Variants in RCAN2 observed in about 807,000 individuals in gnomAD.
RCAN2 encodes the protein calcipressin-2.
Under a neutral mutation model 23.6 loss-of-function variants are expected in RCAN2, and 9 were observed. The ratio of observed to expected loss-of-function variants is 0.38; its 90% confidence interval spans 0.23 to 0.67. The LOEUF (loss-of-function observed/expected upper bound fraction) is 0.67, where lower values mean the gene tolerates loss of function less well. Among genes scored for constraint, RCAN2 ranks in the 30% least tolerant of loss-of-function variants. The probability of loss-of-function intolerance (pLI) is 0.51; values close to 1 mark genes in which losing one functional copy is unlikely to be tolerated. For missense variants in RCAN2, 273 were observed against 302.3 expected (o/e 0.90, Z 0.72); for synonymous variants, 109 against 115.7 (o/e 0.94, Z 0.37).
intron 2 of RCAN2, among the ~76,000 whole-genome samples, chr6:46,323,047 C>T (rs1298726390): frequency 6.6e-6 from 1 of 152,126 alleles, no homozygotes; most frequent in Non-Finnish European, 1.5e-5. Flanking sequence ...AAATGGAAAG[C>T]CATGTTTTCT....
Position 46,223,145 on chromosome 6 carries a change from T to C in RCAN2, c.728A>G (p.Asn243Ser). 1 of 1,613,148 alleles carries C rather than the reference T, an allele frequency of 6.2e-7. No homozygotes were observed. Among genetic ancestry groups the C allele is most frequent in the Non-Finnish European group, 8.5e-7 (1 of 1,179,926 alleles). ...TATCGAGAAGGAGCAGGCAGCTCAGTTGGACACGGAGGGTGGCAGGCCAGG... is the reference window on the plus strand; with the variant it reads ...TATCGAGAAGGAGCAGGCAGCTCAGCTGGACACGGAGGGTGGCAGGCCAGG... ...RRPGLPPSVS[N>S] Residue 243 changes from asparagine (N) to serine (S), a missense_variant, in exon 5 of 5, where the codon AAC becomes AGC. Transcript: ENST00000371374.
intron 4 of RCAN2, among the ~76,000 whole-genome samples, chr6:46,226,723 A>T (rs762172642): frequency 6.6e-6 from 1 of 152,230 alleles, no homozygotes; most frequent in Non-Finnish European, 1.5e-5. Context: ...CAATCATGTC[A>T]TCTGGAAACA....
chr6:46,363,447 C>CA (rs1170902410), intron 2 of RCAN2, among the ~76,000 whole-genome samples: 5 of 150,782 alleles, frequency 3.3e-5, no homozygotes, highest in African/African-American at 1.2e-4. Flanking sequence ...TTTTTTCTTA[C>CA]AAAAAAAGAG....
At chr6:46,278,123 A>C (rs114999769) in intron 2 of RCAN2, among the ~76,000 whole-genome samples, 2,875 of 152,240 alleles carry the variant, frequency 0.019, 84 homozygotes, top group African/African-American at 0.062. Flanking sequence ...CTCTTCTTTG[A>C]ACAAAAGATG....
At chr6:46,266,801 C>T (rs1372191195) in intron 2 of RCAN2, among the ~76,000 whole-genome samples, 1 of 152,136 alleles carries the variant, frequency 6.6e-6, no homozygotes, top group African/African-American at 2.4e-5. Context: ...GATTCCAACC[C>T]CTCGACTTGA....
chr6:46,446,293 G>A (rs1414138504), intron 2 of RCAN2, among the ~76,000 whole-genome samples: 1 of 149,708 alleles, frequency 6.7e-6, no homozygotes, highest in Non-Finnish European at 1.5e-5. Flanking sequence ...CCAGAGGCAG[G>A]GTGTGTGTGT....
intron 1 of RCAN2, among the ~76,000 whole-genome samples, chr6:46,489,278 T>G (rs1291200847): frequency 2.0e-5 from 3 of 152,250 alleles, no homozygotes; most frequent in Non-Finnish European, 4.4e-5. Flanking sequence ...CCCATTAAAC[T>G]TGTTTCTGTC....
At chr6:46,354,771 C>G (rs1015417378) in intron 2 of RCAN2, among the ~76,000 whole-genome samples, 1 of 152,242 alleles carries the variant, frequency 6.6e-6, no homozygotes, top group Non-Finnish European at 1.5e-5. Flanking sequence ...GTTTTACAAT[C>G]TTCTCACAGA....
chr6:46,376,927 A>G (rs1276808002), intron 2 of RCAN2, among the ~76,000 whole-genome samples: 4 of 150,914 alleles, frequency 2.7e-5, no homozygotes, highest in African/African-American at 9.7e-5. Context: ...GGAAGTGTAG[A>G]TAGGGCATTT....
intron 2 of RCAN2, among the ~76,000 whole-genome samples, chr6:46,344,506 G>C (rs920423130): frequency 2.9e-5 from 4 of 137,316 alleles, no homozygotes; most frequent in African/African-American, 1.0e-4. Flanking sequence ...GCAAAAAAAT[G>C]AATTATGAAG....
rs183855064 is a variant in RCAN2 at position 46,367,561 on chromosome 6, C to T, written c.225+89191G>A. On this transcript the variant is annotated intron_variant, in intron 2 of 4. Coordinates refer to ENST00000371374, the MANE Select transcript of RCAN2 (RefSeq NM_001251974.2). ...AAGTTAGATCATTTAATTATGCTGA[C>T]CCATTATTTTCAGTCAAGATGGAGA... 2.7e-4 allele frequency among the ~76,000 whole-genome samples: 41 copies of T among 152,184 alleles called. No homozygotes were observed. The East Asian group carries it at 7.0e-3, about 26-fold the overall frequency.
intron 2 of RCAN2, among the ~76,000 whole-genome samples, chr6:46,294,487 G>A (rs1762657429): frequency 6.6e-6 from 1 of 152,134 alleles, no homozygotes; most frequent in East Asian, 1.9e-4. Context: ...AATAATGAGA[G>A]GAAAGAGTTA....
rs564331463 is a variant in RCAN2 at position 46,329,672 on chromosome 6, C to T, written c.226-80776G>A. 5.3e-5 allele frequency among the ~76,000 whole-genome samples: 8 copies of T among 152,244 alleles called. No homozygotes were observed. In the East Asian group the frequency reaches 1.5e-3, roughly 29 times the overall value. ...AAGGCATGGTGAGTTCGGTGATAAC[C>T]TCTCATCTCTGAGAGCTGAGTCCTG... On this transcript the variant is annotated intron_variant, in intron 2 of 4. Transcript: ENST00000371374.
At chr6:46,280,782 T>C (rs1767881148) in intron 2 of RCAN2, among the ~76,000 whole-genome samples, 1 of 152,088 alleles carries the variant, frequency 6.6e-6, no homozygotes, top group Non-Finnish European at 1.5e-5. Flanking sequence ...AGTTGGGTAT[T>C]AATTAAACTG....
chr6:46,406,872 C>G (rs1455609904), intron 2 of RCAN2, among the ~76,000 whole-genome samples: 3 of 152,076 alleles, frequency 2.0e-5, no homozygotes, highest in South Asian at 2.1e-4. Context: ...GATAGCTTCC[C>G]CAAGATAAAA....
chr6:46,351,575 C>T (rs1463858603), intron 2 of RCAN2, among the ~76,000 whole-genome samples: 1 of 152,306 alleles, frequency 6.6e-6, no homozygotes, highest in Non-Finnish European at 1.5e-5. Context: ...ACAAGATACA[C>T]AGGTGAGAAA....
intron 2 of RCAN2, among the ~76,000 whole-genome samples, chr6:46,423,856 A>C (rs1766959972): frequency 1.3e-5 from 2 of 152,196 alleles, no homozygotes; most frequent in South Asian, 4.1e-4. Flanking sequence ...TACTTCTCTA[A>C]ACAGTCTATA....
intron 2 of RCAN2, among the ~76,000 whole-genome samples, chr6:46,296,271 T>C (rs988900571): frequency 2.1e-5 from 3 of 145,860 alleles, no homozygotes; most frequent in African/African-American, 8.4e-5. Context: ...TTTTGGAATA[T>C]TGACAATACC....
intron 2 of RCAN2, among the ~76,000 whole-genome samples, chr6:46,280,502 C>A (rs1478981642): frequency 6.6e-6 from 1 of 151,976 alleles, no homozygotes; most frequent in East Asian, 1.9e-4. Flanking sequence ...CACACAAAAG[C>A]ACACACAGCA....
Sources: gnomAD v4.1 joint callset for allele counts (sites outside exome capture counted in the v4.1 genomes callset) on GRCh38, gnomAD v4.1.1 for gene constraint, MANE v1.5 for transcripts, NCBI Gene and HGNC (gene_info 2026-07-23, HGNC 2026-07-21) for gene names.